Variants in PCDHGA3 observed in about 807,000 individuals in gnomAD.
PCDHGA3 encodes protocadherin gamma-A3.
PCDHGA3 carries 40 observed loss-of-function variants against 58.5 expected under a neutral mutation model. That is an observed-to-expected ratio of 0.68 (90% CI 0.53 to 0.89). PCDHGA3 has a LOEUF of 0.89. PCDHGA3 is among the 40% of genes least tolerant of loss of function. The probability of loss-of-function intolerance (pLI) is 0.00; values close to 1 mark genes in which losing one functional copy is unlikely to be tolerated. For synonymous variants in PCDHGA3, 530 were observed against 525.7 expected (o/e 1.01, Z -0.11); for missense variants, 1,223 against 1,195.9 (o/e 1.02, Z -0.33).
At chr5:141,396,974 T>C (rs947865597) in intron 1 of PCDHGA3, among the ~76,000 whole-genome samples, 3 of 152,218 alleles carry the variant, frequency 2.0e-5, no homozygotes, top group Admixed American at 6.5e-5. Flanking sequence ...CCTAAAAATG[T>C]TGGCTAGTTG....
At position 141,432,871 on chromosome 5, in the gene PCDHGA3, C is replaced by T. The variant is rs1190891661; in HGVS notation, c.2425-61936C>T. On this transcript the variant is annotated intron_variant, in intron 1 of 3. Transcript: ENST00000253812. This position sits in a 1 kb window ranked among gnomAD's most constrained non-coding sequence, Gnocchi z 6.0. ...CGGTGGCCGCGGTCTCCTGCGTCTT[C>T]CTGGCCTTCGTCATCTTGCTGCTGG... 1 of 1,614,216 alleles carries T rather than the reference C, an allele frequency of 6.2e-7. No homozygotes were observed. Among genetic ancestry groups the T allele is most frequent in the Non-Finnish European group, 8.5e-7 (1 of 1,180,018 alleles).
chr5:141,443,216 C>T (rs758242896), intron 1 of PCDHGA3, among the ~76,000 whole-genome samples: 3 of 151,908 alleles, frequency 2.0e-5, no homozygotes, highest in South Asian at 2.1e-4. Context: ...TCTCGCCAGG[C>T]GCATCTATAA....
chr5:141,386,433 T>C (rs1214742071), intron 1 of PCDHGA3, among the ~76,000 whole-genome samples: 1 of 152,144 alleles, frequency 6.6e-6, no homozygotes, highest in African/African-American at 2.4e-5. Context: ...CCCACCTGCA[T>C]GGGAGGCTGA....
intron 1 of PCDHGA3, among the ~76,000 whole-genome samples, chr5:141,407,567 A>T (rs554405122): frequency 7.0e-4 from 107 of 152,170 alleles, no homozygotes; most frequent in African/African-American, 2.5e-3. Context: ...AAGCTGAAAG[A>T]TAAAATTCTT....
intron 1 of PCDHGA3, chr5:141,403,609 G>A (rs1434656385): frequency 6.2e-7 from 1 of 1,613,870 alleles, no homozygotes; most frequent in South Asian, 1.1e-5. Flanking sequence ...ATGGCGGCGA[G>A]CCGCGTCGCT....
At chr5:141,362,567 ATTAAT>A in intron 1 of PCDHGA3, 1 of 1,607,936 alleles carries the variant, frequency 6.2e-7, no homozygotes, top group Non-Finnish European at 8.5e-7. Context: ...GTGAGCTTTA[ATTAAT>A]TTATTTTCAC....
At chr5:141,408,691 C>T (rs1013098114) in intron 1 of PCDHGA3, 1 of 1,613,854 alleles carries the variant, frequency 6.2e-7, no homozygotes, top group Non-Finnish European at 8.5e-7. Flanking sequence ...CTGATATAAA[C>T]ATAAACTCAA....
intron 1 of PCDHGA3, chr5:141,423,380 G>A: frequency 6.2e-7 from 1 of 1,614,178 alleles, no homozygotes; most frequent in Non-Finnish European, 8.5e-7. Context: ...CTCAGGCTGT[G>A]GCGCTGGCAT....
At chr5:141,408,885 T>C (rs1263835706) in intron 1 of PCDHGA3, 3 of 1,612,902 alleles carry the variant, frequency 1.9e-6, no homozygotes, top group East Asian at 2.2e-5. Flanking sequence ...ACCGCTCACA[T>C]AGAAATTTCT....
At chr5:141,374,686 C>T (rs765389244) in intron 1 of PCDHGA3, 5 of 1,609,642 alleles carry the variant, frequency 3.1e-6, no homozygotes, top group Non-Finnish European at 4.2e-6. Flanking sequence ...GCACACTGGA[C>T]CGGGAAGGAG....
intron 1 of PCDHGA3, chr5:141,360,663 G>A: frequency 6.2e-7 from 1 of 1,613,928 alleles, no homozygotes; most frequent in South Asian, 1.1e-5. Context: ...ATGACAACGA[G>A]TACTTTGATC....
rs2099610288 is a variant in PCDHGA3, at chr5:141,485,252, G to A, written c.2425-9555G>A. ...GTTCCTCTTTTACCACCTGGGTTAC[G>A]TTTGTGGGCAGATCCGCTACCCGGT... On this transcript the variant is annotated intron_variant, in intron 1 of 3. Coordinates refer to ENST00000253812, the MANE Select transcript of PCDHGA3 (RefSeq NM_018916.4). This position sits in a 1 kb window ranked among gnomAD's most constrained non-coding sequence, Gnocchi z 5.7. 6.2e-7 allele frequency: 1 copy of A among 1,614,042 alleles called. No individual in the cohort carries two copies. The highest frequency in any genetic ancestry group is 1.7e-5 in the Admixed American group (1 of 60,008).
chr5:141,433,623 G>A (rs2097635547), intron 1 of PCDHGA3, among the ~76,000 whole-genome samples: 1 of 152,070 alleles, frequency 6.6e-6, no homozygotes, highest in African/African-American at 2.4e-5. Flanking sequence ...ATCACCTGAG[G>A]TTGGGAGTTT....
At chr5:141,413,844 C>A in intron 1 of PCDHGA3, 2 of 1,613,254 alleles carry the variant, frequency 1.2e-6, no homozygotes, top group Non-Finnish European at 1.7e-6. Context: ...ACGGGGGTGA[C>A]CCTCTCCGAT....
Position 141,346,068 on chromosome 5 carries a change from G to A in PCDHGA3, c.2035G>A (p.Glu679Lys), listed in dbSNP as rs201885897. The stretch of plus-strand genomic sequence containing the variant: ...CATCCTGGCCGACCTGGGCAGCCTC[G>A]AGCCCTCCGCCAAACCCAACGATTC... ...PDILADLGSL[E>K]PSAKPNDSDL... Residue 679 changes from glutamate (E) to lysine (K), a missense_variant, in exon 1 of 4, where the codon GAG becomes AAG. This residue lies in a region of PCDHGA3 where 107 missense variants were observed against 159.8 expected (regional missense o/e 0.67). Coordinates refer to ENST00000253812, the MANE Select transcript of PCDHGA3 (RefSeq NM_018916.4). 1.8e-3 allele frequency: 2,977 copies of A among 1,613,588 alleles called. 86 individuals carry two copies. In the East Asian group the frequency reaches 0.052, roughly 28 times the overall value.
At chr5:141,409,830 G>T in intron 1 of PCDHGA3, 1 of 1,611,250 alleles carries the variant, frequency 6.2e-7, no homozygotes, top group South Asian at 1.1e-5. Flanking sequence ...CCCACGCTCA[G>T]CGCCAACGTG....
At chr5:141,383,976 C>T (rs1438303235) in intron 1 of PCDHGA3, 1 of 1,613,642 alleles carries the variant, frequency 6.2e-7, no homozygotes, top group Non-Finnish European at 8.5e-7. Context: ...TCCCTGAAGA[C>T]ACACCTCTTG....
At position 141,364,322 on chromosome 5, in the gene PCDHGA3, G is replaced by A. The variant is rs572334298; in HGVS notation, c.2424+17865G>A. The A allele has an allele frequency of 2.6e-6, 4 of 1,527,038 alleles. No homozygotes were observed. In the Admixed American group the frequency reaches 6.7e-5, roughly 26 times the overall value. The allele number at this position is 1,527,038 out of a possible 1,614,324, so 94.6% of individuals were successfully genotyped here. On this transcript the variant is annotated intron_variant, in intron 1 of 3. Transcript: ENST00000253812. ...CAGAACTAAGAGAAAATTGGGCAGAGAGAAGGCAATGGCGAGTCCACCTAG... is the reference window on the plus strand; with the variant it reads ...CAGAACTAAGAGAAAATTGGGCAGAAAGAAGGCAATGGCGAGTCCACCTAG...
In PCDHGA3 at chr5:141,384,701, A is replaced by G. The variant is rs775540555; in HGVS notation, c.2424+38244A>G. On this transcript the variant is annotated intron_variant, in intron 1 of 3. Transcript: ENST00000253812. ...GCGGTGGACAAAGATTCAGGCCAGA[A>G]CGCCTGGCTGTCATACCTCCTGCTT... is the stretch of plus-strand genomic sequence containing the variant. The G allele has an allele frequency of 8.7e-6, 14 of 1,614,138 alleles. No homozygotes were observed. In the South Asian group the frequency reaches 1.2e-4, roughly 14 times the overall value.
Sources: gnomAD v4.1 joint callset for allele counts (sites outside exome capture counted in the v4.1 genomes callset) on GRCh38, gnomAD v4.1.1 for gene constraint, gnomAD v4.1.1 regional missense constraint, Gnocchi (gnomAD v3.1) non-coding constraint, MANE v1.5 for transcripts, NCBI Gene and HGNC (gene_info 2026-07-23, HGNC 2026-07-21) for gene names.